PTGER4: variants seen among roughly 807,000 people sequenced by gnomAD.
PTGER4 encodes the protein prostaglandin E2 receptor EP4 subtype.
Under a neutral mutation model 33.2 loss-of-function variants are expected in PTGER4, and 11 were observed. The observed-to-expected ratio is 0.33, with a 90% CI of 0.21 to 0.55. The LOEUF (loss-of-function observed/expected upper bound fraction) is 0.55. Ranked by LOEUF, PTGER4 falls within the 20% of genes least tolerant of loss-of-function variation. The pLI is 0.92. For missense variants in PTGER4, 481 were observed against 650.2 expected, an observed-to-expected ratio of 0.74 and a Z score of 2.83; for synonymous variants, 275 against 281.5, an observed-to-expected ratio of 0.98 and a Z score of 0.23.
the PTGER4 span, chr5:40,728,433 G>A: frequency 1.2e-6 from 2 of 1,613,768 alleles, no homozygotes; most frequent in South Asian, 1.1e-5. Flanking sequence ...GGCCATTTCT[G>A]CTGCATGTAC....
At chr5:40,737,936 A>G in the PTGER4 span, among the ~76,000 whole-genome samples, 3 of 152,190 alleles carry the variant, frequency 2.0e-5, no homozygotes, top group African/African-American at 7.2e-5. Context: ...GATATACCAC[A>G]ATTTATTCAT....
rs1038511718 is a variant in PTGER4, at chr5:40,683,251, G to A, written c.867+1391G>A. The stretch of plus-strand genomic sequence containing the variant: ...GTGTAAAAATATATCTTTGATAAAA[G>A]TGACTGTAAATGGAAGGAACTTAGA... On this transcript the variant is annotated intron_variant, in intron 2 of 2. Coordinates refer to ENST00000302472, the MANE Select transcript of PTGER4 (RefSeq NM_000958.3). This position sits in a 1 kb window ranked among gnomAD's most constrained non-coding sequence, Gnocchi z 4.2. 2.0e-5 allele frequency among the ~76,000 whole-genome samples: 3 copies of A among 152,170 alleles called. No homozygotes were observed. Among genetic ancestry groups the A allele is most frequent in the African/African-American group, 7.2e-5 (3 of 41,434 alleles).
downstream of PTGER4, among the ~76,000 whole-genome samples, chr5:40,698,642 G>A (rs369017687): frequency 1.4e-4 from 22 of 152,096 alleles, no homozygotes; most frequent in African/African-American, 3.6e-4. Flanking sequence ...AGTAACTGCC[G>A]AGATTGAAAC....
At chr5:40,737,498 G>T in the PTGER4 span, among the ~76,000 whole-genome samples, 1 of 152,050 alleles carries the variant, frequency 6.6e-6, no homozygotes, top group African/African-American at 2.4e-5. Context: ...AAGACATCAT[G>T]AACACATATA....
chr5:40,701,276 A>G, the PTGER4 span, among the ~76,000 whole-genome samples: 1 of 152,258 alleles, frequency 6.6e-6, no homozygotes, highest in Non-Finnish European at 1.5e-5. Context: ...AAGGAAAATA[A>G]GAATCACAAT....
the PTGER4 span, among the ~76,000 whole-genome samples, chr5:40,717,229 CAAAAAAAAA>C: frequency 9.2e-6 from 1 of 108,902 alleles, no homozygotes; most frequent in Non-Finnish European, 1.8e-5. Flanking sequence ...AACTCCATCT[CAAAAAAAAA>C]AAAAAAAAAG....
the PTGER4 span, among the ~76,000 whole-genome samples, chr5:40,716,908 G>C: frequency 6.6e-6 from 1 of 152,128 alleles, no homozygotes; most frequent in Admixed American, 6.5e-5. Context: ...TTTATTGACT[G>C]TTTACTACAT....
the PTGER4 span, among the ~76,000 whole-genome samples, chr5:40,726,058 T>TA: frequency 1.3e-5 from 2 of 151,822 alleles, no homozygotes; most frequent in African/African-American, 4.8e-5. Flanking sequence ...GTGCTGGGAT[T>TA]ACAGACTTGA....
chr5:40,716,396 C>A, the PTGER4 span: 1 of 1,613,984 alleles, frequency 6.2e-7, no homozygotes, highest in Non-Finnish European at 8.5e-7. Context: ...CTCTGTGCTA[C>A]CTTCTGCTGC....
the PTGER4 span, among the ~76,000 whole-genome samples, chr5:40,702,633 A>C: frequency 2.2e-4 from 33 of 152,364 alleles, no homozygotes; most frequent in Non-Finnish European, 4.3e-4. Flanking sequence ...AAGATATTCC[A>C]GACCTAAATT....
At chr5:40,709,746 A>C in the PTGER4 span, among the ~76,000 whole-genome samples, 1 of 152,314 alleles carries the variant, frequency 6.6e-6, no homozygotes, top group South Asian at 2.1e-4. Context: ...AGCCAAAAGA[A>C]CAAAGCTGGA....
At chr5:40,728,281 C>CAAA in the PTGER4 span, 90 of 317,882 alleles carry the variant, frequency 2.8e-4, 7 homozygotes, top group Middle Eastern at 1.3e-3. Context: ...GACTCCATCT[C>CAAA]AAAAAAAAAA....
At chr5:40,712,555 T>TA in the PTGER4 span, among the ~76,000 whole-genome samples, 1 of 152,180 alleles carries the variant, frequency 6.6e-6, no homozygotes, top group East Asian at 1.9e-4. Context: ...ACCTGCTTAC[T>TA]AAGGCATGGG....
the PTGER4 span, among the ~76,000 whole-genome samples, chr5:40,729,406 C>G: frequency 1.3e-5 from 2 of 152,180 alleles, no homozygotes; most frequent in Non-Finnish European, 2.9e-5. Flanking sequence ...CTTTTAAAAT[C>G]ACTTGGATAA....
chr5:40,743,253 A>T, the PTGER4 span, among the ~76,000 whole-genome samples: 1 of 152,314 alleles, frequency 6.6e-6, no homozygotes, highest in African/African-American at 2.4e-5. Flanking sequence ...GGACAGGAAG[A>T]CAGGCAGCAG....
the PTGER4 span, among the ~76,000 whole-genome samples, chr5:40,723,524 A>G: frequency 3.9e-5 from 6 of 152,088 alleles, no homozygotes; most frequent in African/African-American, 1.2e-4. Context: ...AAAAAAAAAA[A>G]AAAAGAAATA....
chr5:40,702,587 T>C, the PTGER4 span, among the ~76,000 whole-genome samples: 2 of 152,160 alleles, frequency 1.3e-5, no homozygotes, highest in African/African-American at 4.8e-5. Flanking sequence ...ACACCACTGA[T>C]AGTATTAGAC....
the PTGER4 span, among the ~76,000 whole-genome samples, chr5:40,735,550 G>T: frequency 6.6e-6 from 1 of 152,138 alleles, no homozygotes; most frequent in Non-Finnish European, 1.5e-5. Context: ...AGGATCCCAC[G>T]CAATCAAGAG....
chr5:40,710,584 A>C, the PTGER4 span, among the ~76,000 whole-genome samples: 633 of 152,200 alleles, frequency 4.2e-3, 2 homozygotes, highest in African/African-American at 0.015. Flanking sequence ...TGGGTATATA[A>C]CCAAAGGAAT....
Sources: gnomAD v4.1 joint callset for allele counts (sites outside exome capture counted in the v4.1 genomes callset) on GRCh38, gnomAD v4.1.1 for gene constraint, Gnocchi (gnomAD v3.1) non-coding constraint, MANE v1.5 for transcripts, NCBI Gene and HGNC (gene_info 2026-07-23, HGNC 2026-07-21) for gene names.